The following SND1 variants were observed in gnomAD, a reference collection of about 807,000 sequenced individuals.
SND1 encodes the protein staphylococcal nuclease and tudor domain containing 1.
A neutral mutation model predicts 121.7 loss-of-function variants in SND1; 38 were observed. That is an observed-to-expected ratio of 0.31 (90% confidence interval 0.24 to 0.41). The LOEUF (loss-of-function observed/expected upper bound fraction) is 0.41. Among genes scored for constraint, SND1 ranks in the 10% least tolerant of loss-of-function variants. The pLI is 1.00. For synonymous variants in SND1, 401 were observed against 447.4 expected (o/e 0.90, Z 1.31); for missense variants, 868 against 1,184.6 (o/e 0.73, Z 3.92).
chr7:127,836,146 C>G (rs1798863616), intron 11 of SND1, among the ~76,000 whole-genome samples: 1 of 152,134 alleles, frequency 6.6e-6, no homozygotes, highest in Non-Finnish European at 1.5e-5. Flanking sequence ...TGTATTTTAC[C>G]TTTCCCCTCA....
intron 14 of SND1, among the ~76,000 whole-genome samples, chr7:127,909,108 T>C (rs780929241): frequency 2.0e-5 from 3 of 152,238 alleles, no homozygotes; most frequent in Non-Finnish European, 4.4e-5. Flanking sequence ...CTTTTCCTTT[T>C]GTGTCTGTCC....
intron 11 of SND1, among the ~76,000 whole-genome samples, chr7:127,831,172 C>T (rs562246333): frequency 8.5e-4 from 129 of 152,318 alleles, no homozygotes; most frequent in Admixed American, 4.4e-3. Flanking sequence ...TTCTACTCTG[C>T]TGATGAGAAA....
chr7:127,897,216 T>C (rs935157360), intron 13 of SND1, among the ~76,000 whole-genome samples: 3 of 152,164 alleles, frequency 2.0e-5, no homozygotes, highest in African/African-American at 7.2e-5. Context: ...TGCTTTTGCA[T>C]CAAGGCCAGA....
At chr7:127,721,618 C>T (rs1376117479) in intron 10 of SND1, among the ~76,000 whole-genome samples, 1 of 152,130 alleles carries the variant, frequency 6.6e-6, no homozygotes, top group Non-Finnish European at 1.5e-5. Context: ...CCGAATTTCA[C>T]GTGGGCACTG....
intron 1 of SND1, among the ~76,000 whole-genome samples, chr7:127,682,849 A>G (rs1256929094): frequency 1.3e-5 from 2 of 152,248 alleles, no homozygotes; most frequent in Non-Finnish European, 2.9e-5. Context: ...GTAGGCACTC[A>G]GTAAGTTTGT....
chr7:127,919,725 T>C, intron 14 of SND1, among the ~76,000 whole-genome samples: 1 of 152,210 alleles, frequency 6.6e-6, no homozygotes, highest in East Asian at 1.9e-4. Context: ...TAAAAATTCA[T>C]TATCATTTAA....
chr7:128,070,313 G>T (rs2117045203), intron 16 of SND1, among the ~76,000 whole-genome samples: 1 of 152,322 alleles, frequency 6.6e-6, no homozygotes, highest in South Asian at 2.1e-4. Context: ...GCCCTCATCT[G>T]TCCCTCGCCC....
chr7:127,830,927 T>C (rs947353353), intron 11 of SND1, among the ~76,000 whole-genome samples: 2 of 152,186 alleles, frequency 1.3e-5, no homozygotes, highest in East Asian at 3.8e-4. Flanking sequence ...AAGGGGCAAA[T>C]TGGGAGGCAG....
chr7:127,991,042 G>T lies in SND1; in HGVS notation c.1765G>T (p.Val589Leu). 6.2e-7 allele frequency: 1 copy of T among 1,613,424 alleles called. No individual in the cohort carries two copies. The highest frequency in any genetic ancestry group is 8.5e-7 in the Non-Finnish European group (1 of 1,179,532). ...EEATLFTKEL[V>L]LQREVEVEVE... is the part of the protein sequence containing the mutation. The stretch of plus-strand genomic sequence containing the variant: ...AGCTACACTTTTCACCAAGGAACTG[G>T]TGCTGCAGCGAGAGGTAGGACATCT... Residue 589 changes from valine to leucine, a missense_variant, in exon 16 of 24, where the codon GTG (valine) becomes TTG (leucine). By Grantham distance (32) the Val-to-Leu change is conservative (BLOSUM62 1). Transcript: ENST00000354725.
At chr7:127,923,638 G>A (rs113509132) in intron 14 of SND1, among the ~76,000 whole-genome samples, 4 of 152,192 alleles carry the variant, frequency 2.6e-5, no homozygotes, top group Non-Finnish European at 4.4e-5. Flanking sequence ...GGGCCATAGC[G>A]CCCAAGATGT....
chr7:127,857,184 T>TTTTTTTTTC, intron 12 of SND1, among the ~76,000 whole-genome samples: 1 of 45,194 alleles, frequency 2.2e-5, no homozygotes, highest in African/African-American at 7.5e-5. Context: ...ATGTCAACAC[T>TTTTTTTTTC]TTTTTTTTTT....
chr7:127,677,190 C>T (rs1236307662), intron 1 of SND1, among the ~76,000 whole-genome samples: 2 of 152,192 alleles, frequency 1.3e-5, no homozygotes, highest in Non-Finnish European at 2.9e-5. Flanking sequence ...GGGCTCTGTG[C>T]TAAGTGCTTT....
At chr7:127,962,425 C>T (rs1398057159) in intron 15 of SND1, among the ~76,000 whole-genome samples, 1 of 152,152 alleles carries the variant, frequency 6.6e-6, no homozygotes, top group Non-Finnish European at 1.5e-5. Flanking sequence ...ACATCTTTGG[C>T]AAAATGTGTT....
At chr7:127,725,096 A>G (rs1221338128) in intron 10 of SND1, among the ~76,000 whole-genome samples, 1 of 152,216 alleles carries the variant, frequency 6.6e-6, no homozygotes, top group East Asian at 1.9e-4. Flanking sequence ...TAAAGTTACC[A>G]GAGATTTACA....
chr7:127,929,441 T>C, intron 15 of SND1, 112 bp downstream of exon 15: 1 of 1,008,616 alleles, frequency 9.9e-7, no homozygotes. Flanking sequence ...CAGCATGCTC[T>C]TCCTCTCTGG....
intron 12 of SND1, among the ~76,000 whole-genome samples, chr7:127,866,459 G>A (rs921987468): frequency 6.6e-6 from 1 of 152,166 alleles, no homozygotes; most frequent in East Asian, 1.9e-4. Context: ...TGCTGCCTAG[G>A]TGTTCCTTGG....
intron 15 of SND1, among the ~76,000 whole-genome samples, chr7:127,941,179 C>G (rs1801192399): frequency 6.6e-6 from 1 of 152,078 alleles, no homozygotes. Flanking sequence ...CTTAAATGAC[C>G]CTCTTAATCT....
chr7:128,002,015 A>G (rs1216505096), intron 16 of SND1, among the ~76,000 whole-genome samples: 4 of 152,270 alleles, frequency 2.6e-5, no homozygotes, highest in Non-Finnish European at 4.4e-5. Flanking sequence ...AAACCAGAGT[A>G]GAGTTCTAGG....
At chr7:127,940,758 G>A (rs1801179111) in intron 15 of SND1, among the ~76,000 whole-genome samples, 1 of 152,214 alleles carries the variant, frequency 6.6e-6, no homozygotes, top group African/African-American at 2.4e-5. Context: ...AGTCAGATGG[G>A]CTGGATCTGT....
Sources: allele counts gnomAD v4.1 joint callset (sites outside exome capture counted in the v4.1 genomes callset), GRCh38; gene constraint gnomAD v4.1.1; transcripts MANE v1.5; gene names NCBI Gene and HGNC (gene_info 2026-07-23, HGNC 2026-07-21).